The following INPP5A variants were observed in gnomAD, a reference collection of about 807,000 sequenced individuals.
INPP5A encodes inositol polyphosphate-5-phosphatase A, also known as 43 kDa inositol polyphosphate 5-phophatase.
INPP5A carries 14 observed loss-of-function variants against 65.2 expected under a neutral mutation model. That is an observed-to-expected ratio of 0.21 (90% CI 0.14 to 0.34). The LOEUF is 0.34. Ranked by LOEUF, INPP5A falls within the 10% of genes least tolerant of loss-of-function variation. The probability of loss-of-function intolerance (pLI) is 1.00; values close to 1 mark genes in which losing one functional copy is unlikely to be tolerated. For missense variants in INPP5A, 431 were observed against 545.6 expected (o/e 0.79, Z 2.09); for synonymous variants, 207 against 208.3 (o/e 0.99, Z 0.05).
At chr10:132,590,104 C>T (rs1025974931) in intron 1 of INPP5A, among the ~76,000 whole-genome samples, 4 of 152,202 alleles carry the variant, frequency 2.6e-5, no homozygotes, top group African/African-American at 9.7e-5. Flanking sequence ...AGTTATGGCA[C>T]CTGGGCTTTC....
rs1287961030 is a variant in INPP5A at position 132,650,702 on chromosome 10, G to A, written c.306+197G>A. Among the ~76,000 whole-genome samples the A allele has an allele frequency of 6.6e-6, 1 of 152,212 alleles. No homozygotes were observed. Among genetic ancestry groups the A allele is most frequent in the African/African-American group, 2.4e-5 (1 of 41,448 alleles). ...GCCCATGGCTGGCCTGGCAGGGAAG[G>A]TGGCCCAGCACGCACAGGGTCTTGG... On this transcript the variant is annotated intron_variant, in intron 4 of 15. Transcript: ENST00000368594. This position sits in a 1 kb window ranked among gnomAD's most constrained non-coding sequence, Gnocchi z 5.5.
intron 2 of INPP5A, among the ~76,000 whole-genome samples, chr10:132,614,910 C>T (rs938713107): frequency 2.0e-5 from 3 of 152,272 alleles, no homozygotes; most frequent in African/African-American, 7.2e-5. Flanking sequence ...GGGCTGGCCT[C>T]GCTCTTATCC....
chr10:132,573,545 T>G (rs1400412715), intron 1 of INPP5A, among the ~76,000 whole-genome samples: 422 of 42,792 alleles, frequency 9.9e-3, no homozygotes, highest in Admixed American at 0.011. Context: ...TGATGTTGGG[T>G]TGTGTGTGCT....
rs569196975 is a variant in INPP5A, at chr10:132,674,194, C to T, written c.307-16198C>T. Among the ~76,000 whole-genome samples, 46 of 152,210 alleles carry T rather than the reference C, an allele frequency of 3.0e-4. No homozygotes were observed. Among genetic ancestry groups the T allele is most frequent in the Admixed American group, 2.1e-3 (32 of 15,284 alleles). On this transcript the variant is annotated intron_variant, in intron 4 of 15. Coordinates refer to ENST00000368594, the MANE Select transcript of INPP5A (RefSeq NM_005539.5). This position sits in a 1 kb window ranked among gnomAD's most constrained non-coding sequence, Gnocchi z 4.4. ...CACTCAGAGAGGTCTGTCCACATAC[C>T]TCTTCCCCAGATTTCTTTGTCACAA... is the stretch of plus-strand genomic sequence containing the variant.
intron 13 of INPP5A, among the ~76,000 whole-genome samples, chr10:132,779,448 C>T (rs557600345): frequency 6.6e-6 from 1 of 152,270 alleles, no homozygotes; most frequent in Non-Finnish European, 1.5e-5. Context: ...GAGCAGCGCC[C>T]AAGGGCAGAA....
At chr10:132,709,934 C>T (rs1845605560) in intron 7 of INPP5A, among the ~76,000 whole-genome samples, 1 of 152,214 alleles carries the variant, frequency 6.6e-6, no homozygotes, top group Non-Finnish European at 1.5e-5. Context: ...ACTCTTCTTG[C>T]CTGTCCCTGT....
chr10:132,742,079 C>T (rs953811425), intron 9 of INPP5A, among the ~76,000 whole-genome samples: 6 of 152,318 alleles, frequency 3.9e-5, no homozygotes, highest in African/African-American at 7.2e-5. Flanking sequence ...CCCTGAGGGG[C>T]GGTTGCTCTG....
intron 11 of INPP5A, among the ~76,000 whole-genome samples, chr10:132,764,127 C>T (rs1416535366): frequency 1.3e-5 from 2 of 152,268 alleles, no homozygotes. Context: ...CGCCTGTGCT[C>T]CAGGCAGGAG....
chr10:132,619,052 A>G (rs1362583746), intron 2 of INPP5A, among the ~76,000 whole-genome samples: 1 of 152,124 alleles, frequency 6.6e-6, no homozygotes, highest in Non-Finnish European at 1.5e-5. Context: ...CACATTTCAA[A>G]ATACAATCAT....
At chr10:132,709,910 G>A (rs530540755) in intron 7 of INPP5A, among the ~76,000 whole-genome samples, 2 of 152,202 alleles carry the variant, frequency 1.3e-5, no homozygotes, top group Non-Finnish European at 2.9e-5. Context: ...TTCCCTTTGG[G>A]AGTGAAATGA....
intron 11 of INPP5A, among the ~76,000 whole-genome samples, chr10:132,752,931 G>A (rs1846522680): frequency 6.6e-6 from 1 of 152,154 alleles, no homozygotes; most frequent in African/African-American, 2.4e-5. Context: ...CTGTGGGGTT[G>A]AAGCCACGTG....
intron 3 of INPP5A, among the ~76,000 whole-genome samples, chr10:132,649,143 C>T (rs2133395912): frequency 6.6e-6 from 1 of 152,312 alleles, no homozygotes; most frequent in South Asian, 2.1e-4. Context: ...TTTTCTGTTG[C>T]AGATTTTGAT....
intron 8 of INPP5A, among the ~76,000 whole-genome samples, chr10:132,712,708 A>G (rs1176182843): frequency 6.8e-6 from 1 of 147,312 alleles, no homozygotes. Context: ...GTGTGGGTGC[A>G]TGTGAGTGCA....
intron 4 of INPP5A, among the ~76,000 whole-genome samples, chr10:132,689,049 G>A (rs566613984): frequency 1.3e-5 from 2 of 152,338 alleles, no homozygotes; most frequent in South Asian, 2.1e-4. Flanking sequence ...GTTTGCAAGC[G>A]TGTGGTGTGC....
intron 8 of INPP5A, among the ~76,000 whole-genome samples, chr10:132,724,296 G>A (rs889020539): frequency 3.9e-5 from 6 of 152,196 alleles, no homozygotes; most frequent in Non-Finnish European, 7.3e-5. Flanking sequence ...TCAATTGACC[G>A]TCCGCTTGGG....
intron 7 of INPP5A, among the ~76,000 whole-genome samples, chr10:132,709,353 G>C (rs1845594508): frequency 7.8e-6 from 1 of 128,718 alleles, no homozygotes. Context: ...GAGTGAGAGA[G>C]AAGGGTAGGA....
intron 4 of INPP5A, among the ~76,000 whole-genome samples, chr10:132,665,397 G>C (rs951267114): frequency 6.6e-6 from 1 of 152,254 alleles, no homozygotes; most frequent in Admixed American, 6.5e-5. Context: ...AAGGAAAAGT[G>C]ATATTAAGAT....
At chr10:132,564,134 A>G (rs922642065) in intron 1 of INPP5A, among the ~76,000 whole-genome samples, 1 of 151,796 alleles carries the variant, frequency 6.6e-6, no homozygotes, top group Non-Finnish European at 1.5e-5. Context: ...TCACCTCACG[A>G]TTTTTTGTCC....
chr10:132,588,032 AAG>A (rs1554931377), intron 1 of INPP5A, among the ~76,000 whole-genome samples: 2 of 151,994 alleles, frequency 1.3e-5, no homozygotes, highest in Middle Eastern at 3.4e-3. Flanking sequence ...AAAAAAAAAA[AAG>A]GATTTGATCC....
Sources: gnomAD v4.1 joint callset for allele counts (sites outside exome capture counted in the v4.1 genomes callset) on GRCh38, gnomAD v4.1.1 for gene constraint, Gnocchi (gnomAD v3.1) non-coding constraint, MANE v1.5 for transcripts, NCBI Gene and HGNC (gene_info 2026-07-23, HGNC 2026-07-21) for gene names.